SYK: variants seen among roughly 807,000 people sequenced by gnomAD.
SYK encodes tyrosine-protein kinase SYK.
SYK carries 16 observed loss-of-function variants against 77.8 expected under a neutral mutation model. The ratio of observed to expected loss-of-function variants is 0.21; its 90% CI spans 0.14 to 0.31. SYK has a LOEUF of 0.31. Among genes scored for constraint, SYK ranks in the 10% least tolerant of loss-of-function variants. The probability of loss-of-function intolerance (pLI) is 1.00; values close to 1 mark genes in which losing one functional copy is unlikely to be tolerated. For synonymous variants in SYK, 312 were observed against 308.7 expected, an observed-to-expected ratio of 1.01 and a Z score of -0.11; for missense variants, 529 against 814.4, an observed-to-expected ratio of 0.65 and a Z score of 4.26.
chr9:90,878,452 CTG>C (rs907356476), intron 10 of SYK, among the ~76,000 whole-genome samples: 7 of 152,150 alleles, frequency 4.6e-5, no homozygotes, highest in Admixed American at 1.3e-4. Context: ...GTTCTGTGAC[CTG>C]TGTGATACTG....
chr9:90,834,731 A>C (rs1826009190), intron 1 of SYK, among the ~76,000 whole-genome samples: 1 of 152,228 alleles, frequency 6.6e-6, no homozygotes, highest in South Asian at 2.1e-4. Context: ...GCTTTCTTAG[A>C]ACATTATGAG....
At chr9:90,857,382 C>CAAAGTCTCCTTG (rs1385738113) in intron 3 of SYK, among the ~76,000 whole-genome samples, 2 of 152,206 alleles carry the variant, frequency 1.3e-5, no homozygotes, top group Non-Finnish European at 2.9e-5. Flanking sequence ...TGATGCTGAT[C>CAAAGTCTCCTTG]AAAGTCTCCT....
intron 1 of SYK, among the ~76,000 whole-genome samples, chr9:90,834,210 A>G (rs922176750): frequency 6.6e-6 from 1 of 152,182 alleles, no homozygotes; most frequent in African/African-American, 2.4e-5. Context: ...GTGCACACAC[A>G]TGCACACACA....
At chr9:90,884,366 C>CACGCAT (rs1564120725) in intron 11 of SYK, among the ~76,000 whole-genome samples, 2 of 145,326 alleles carry the variant, frequency 1.4e-5, no homozygotes, top group South Asian at 2.1e-4. Flanking sequence ...TGTATACATA[C>CACGCAT]ATACACACAT....
intron 11 of SYK, among the ~76,000 whole-genome samples, chr9:90,884,385 A>ATATGCATACATACACATATGTGTATG: frequency 9.3e-6 from 1 of 107,066 alleles, no homozygotes; most frequent in Non-Finnish European, 2.0e-5. Context: ...ATACGTGTAT[A>ATATGCATACATACACATATGTGTATG]TATGCATACA....
intron 1 of SYK, among the ~76,000 whole-genome samples, chr9:90,820,277 A>T (rs1220554473): frequency 6.6e-6 from 1 of 152,156 alleles, no homozygotes; most frequent in Non-Finnish European, 1.5e-5. Flanking sequence ...TCACGGCTCC[A>T]CTAGGCAGTG....
At chr9:90,822,147 A>G (rs780485672) in intron 1 of SYK, among the ~76,000 whole-genome samples, 3 of 152,226 alleles carry the variant, frequency 2.0e-5, no homozygotes, top group Non-Finnish European at 4.4e-5. Context: ...AGAATAAACT[A>G]TATTCTACTT....
chr9:90,877,905 G>A lies in SYK; in HGVS notation c.1391+125G>A, dbSNP rs1347554181. On this transcript the variant is annotated intron_variant, in intron 10 of 13. Coordinates refer to ENST00000375754, the MANE Select transcript of SYK (RefSeq NM_003177.7). Reference sequence around the variant, plus strand: ...CACCCTCCTGTGCCTTCCTTTATTGGTCCATACTCAGGGACCTTGACAGAG... The same window carrying A: ...CACCCTCCTGTGCCTTCCTTTATTGATCCATACTCAGGGACCTTGACAGAG... 5.5e-6 allele frequency: 5 copies of A among 916,618 alleles called. No individual in the cohort carries two copies. The South Asian group carries it at 6.6e-5, about 12-fold the overall frequency. 56.8% of individuals were successfully genotyped at this position (916,618 alleles called of 1,614,324 possible). A position where few individuals can be genotyped will look rare whatever the true frequency, so the allele number is the denominator to read the frequency against.
At chr9:90,828,087 A>G (rs1825720479) in intron 1 of SYK, among the ~76,000 whole-genome samples, 1 of 152,172 alleles carries the variant, frequency 6.6e-6, no homozygotes. Flanking sequence ...CAGCTGCAGG[A>G]TCCCCATAAA....
At chr9:90,879,052 C>A in intron 11 of SYK, 99 bp downstream of exon 11, 1 of 891,422 alleles carries the variant, frequency 1.1e-6, no homozygotes, top group Non-Finnish European at 1.7e-6. Context: ...TTTCAAAAAG[C>A]AGTTTTGCTA....
intron 3 of SYK, among the ~76,000 whole-genome samples, chr9:90,856,015 G>C (rs565817379): frequency 1.3e-5 from 2 of 152,278 alleles, no homozygotes; most frequent in African/African-American, 4.8e-5. Context: ...CCCAAATACT[G>C]TATTATTGGA....
chr9:90,874,057 T>C (rs1367683569), intron 7 of SYK, 147 bp from the exon 8 acceptor site: 2 of 696,008 alleles, frequency 2.9e-6, no homozygotes, highest in Non-Finnish European at 4.9e-6. Flanking sequence ...ATCAGCCTTA[T>C]TTTCTTCCCT....
chr9:90,874,603 T>A, intron 8 of SYK, 69 bp from the exon 9 acceptor site: 1 of 1,507,510 alleles, frequency 6.6e-7, no homozygotes. Context: ...ATGAAGATCA[T>A]GTTCTTGGAA....
At chr9:90,824,478 G>C (rs982069319) in intron 1 of SYK, among the ~76,000 whole-genome samples, 2 of 152,108 alleles carry the variant, frequency 1.3e-5, no homozygotes, top group Non-Finnish European at 2.9e-5. Flanking sequence ...TCAACAAAAT[G>C]TTAGAAAATC....
At chr9:90,801,682 C>G (rs1299443821), upstream of SYK, 1 of 152,244 alleles carries the variant, frequency 6.6e-6, no homozygotes, top group African/African-American at 2.4e-5. Flanking sequence ...CGCCCAGCTC[C>G]GGGCTCATGG....
chr9:90,808,755 T>A (rs1824949716), intron 1 of SYK, among the ~76,000 whole-genome samples: 1 of 152,058 alleles, frequency 6.6e-6, no homozygotes, highest in African/African-American at 2.4e-5. Context: ...TCCTCCCTGT[T>A]CCTCCCTCAG....
chr9:90,837,023 T>C (rs1202532945), intron 1 of SYK, among the ~76,000 whole-genome samples: 3 of 151,988 alleles, frequency 2.0e-5, no homozygotes, highest in Non-Finnish European at 4.4e-5. Flanking sequence ...TATAAGAATA[T>C]AGTATATGAT....
At position 90,846,520 on chromosome 9, in the gene SYK, T is replaced by C. The variant is rs146831837; in HGVS notation, c.578+926T>C. Among the ~76,000 whole-genome samples, 740 of 152,268 alleles carry C rather than the reference T, an allele frequency of 4.9e-3. 8 individuals carry two copies. The highest frequency in any genetic ancestry group is 0.017 in the African/African-American group (705 of 41,552). On this transcript the variant is annotated intron_variant, in intron 3 of 13. Transcript: ENST00000375754. ...GTCATACCTTGTATTTTAAAAATGA[T>C]CTTAGCTGAGTGCAGTGGCACGCAC...
At chr9:90,854,051 C>G (rs554939199) in intron 3 of SYK, among the ~76,000 whole-genome samples, 1 of 152,014 alleles carries the variant, frequency 6.6e-6, no homozygotes, top group Non-Finnish European at 1.5e-5. Context: ...AACCCCAGTC[C>G]GAGCCCCAGG....
Sources: gnomAD v4.1 joint callset for allele counts (sites outside exome capture counted in the v4.1 genomes callset) on GRCh38, gnomAD v4.1.1 for gene constraint, MANE v1.5 for transcripts, NCBI Gene and HGNC (gene_info 2026-07-23, HGNC 2026-07-21) for gene names.